ANXA6: variants seen among roughly 807,000 people sequenced by gnomAD.
ANXA6 encodes the protein annexin A6.
A neutral mutation model predicts 95.4 loss-of-function variants in ANXA6; 71 were observed. The ratio of observed to expected loss-of-function variants is 0.74; its 90% confidence interval spans 0.61 to 0.91. The LOEUF (loss-of-function observed/expected upper bound fraction) is 0.91. ANXA6 is among the 40% of genes least tolerant of loss of function. ANXA6 has a pLI of 0.00. For missense variants in ANXA6, 830 were observed against 876.4 expected, an observed-to-expected ratio of 0.95 and a Z score of 0.67; for synonymous variants, 289 against 315.9, an observed-to-expected ratio of 0.91 and a Z score of 0.90.
intron 14 of ANXA6, among the ~76,000 whole-genome samples, chr5:151,125,567 C>T (rs768686566): frequency 6.6e-6 from 1 of 152,136 alleles, no homozygotes; most frequent in Non-Finnish European, 1.5e-5. Flanking sequence ...AAAGGAAAAT[C>T]AGCAAGTGTT....
intron 24 of ANXA6, among the ~76,000 whole-genome samples, chr5:151,104,478 G>T (rs929907017): frequency 1.3e-5 from 2 of 152,306 alleles, no homozygotes; most frequent in East Asian, 3.9e-4. Flanking sequence ...CCCTACCTAG[G>T]CCTGAGTTTC....
At chr5:151,154,487 G>A (rs1017683305) in intron 1 of ANXA6, among the ~76,000 whole-genome samples, 20 of 151,952 alleles carry the variant, frequency 1.3e-4, no homozygotes, top group African/African-American at 4.6e-4. Context: ...TGCGTCCTGG[G>A]GTATATCCAT....
intron 14 of ANXA6, 45 bp from the exon 15 acceptor site, chr5:151,124,412 CT>C (rs1561574435): frequency 3.2e-6 from 5 of 1,561,882 alleles, no homozygotes; most frequent in African/African-American, 1.4e-5. Flanking sequence ...GAAGGCCCCC[CT>C]GGGGACCAGG....
chr5:151,138,663 AC>A lies in ANXA6; in HGVS notation c.318+14del, dbSNP rs771965652. Reference sequence around the variant, plus strand: ...ACATCCCCACCCCAACACCACATACACCCCCACTTCTTACCGAGATGGCATC... The same window carrying A: ...ACATCCCCACCCCAACACCACATACACCCCACTTCTTACCGAGATGGCATC... On this transcript the variant is annotated intron_variant, in intron 5 of 25. Coordinates refer to ENST00000354546, the MANE Select transcript of ANXA6 (RefSeq NM_001155.5). 36 of 1,589,506 alleles carry A rather than the reference AC, an allele frequency of 2.3e-5. 1 individual carries two copies. The Admixed American group carries it at 5.9e-4, about 26-fold the overall frequency.
At chr5:151,148,068 C>A in intron 1 of ANXA6, 142 bp from the exon 2 acceptor site, 2 of 737,684 alleles carry the variant, frequency 2.7e-6, no homozygotes, top group Non-Finnish European at 4.6e-6. Flanking sequence ...AGCTCAAGGC[C>A]AATCACATTT....
At chr5:151,120,100 G>C (rs1179237574) in intron 17 of ANXA6, among the ~76,000 whole-genome samples, 1 of 152,096 alleles carries the variant, frequency 6.6e-6, no homozygotes, top group Non-Finnish European at 1.5e-5. Context: ...GGCTGGTCTG[G>C]AACTCCTGGA....
chr5:151,120,912 G>A (rs533009290), intron 17 of ANXA6, among the ~76,000 whole-genome samples: 10 of 152,250 alleles, frequency 6.6e-5, no homozygotes, highest in East Asian at 1.9e-4. Context: ...TCTAGCCCTC[G>A]TCTCCCCCTA....
intron 7 of ANXA6, among the ~76,000 whole-genome samples, chr5:151,135,433 G>C (rs1441857250): frequency 6.6e-6 from 1 of 152,220 alleles, no homozygotes; most frequent in Non-Finnish European, 1.5e-5. Context: ...TTATGGCAAT[G>C]AGAGGAACAG....
At chr5:151,105,216 G>A (rs765389685) in intron 24 of ANXA6, 29 bp downstream of exon 24, 10 of 1,606,100 alleles carry the variant, frequency 6.2e-6, no homozygotes, top group African/African-American at 1.3e-5. Context: ...AGTGCTTGAA[G>A]GGAAAGGAAC....
At chr5:151,124,015 C>A (rs1345940692) in intron 15 of ANXA6, among the ~76,000 whole-genome samples, 1 of 152,198 alleles carries the variant, frequency 6.6e-6, no homozygotes, top group Non-Finnish European at 1.5e-5. Flanking sequence ...ATTTTGTGAC[C>A]TGGTACTTTC....
At chr5:151,104,188 G>C (rs546569242) in intron 24 of ANXA6, among the ~76,000 whole-genome samples, 1 of 152,234 alleles carries the variant, frequency 6.6e-6, no homozygotes, top group East Asian at 1.9e-4. Context: ...CTCCCCCAGA[G>C]CCTCCAGGAG....
chr5:151,100,745 T>G lies in ANXA6; in HGVS notation c.*703A>C. The G allele has an allele frequency of 2.6e-6, 1 of 390,220 alleles. No homozygotes were observed. 24.2% of individuals were successfully genotyped at this position (390,220 alleles called of 1,614,324 possible). On this transcript the variant is annotated 3_prime_UTR_variant, in exon 26 of 26. Transcript: ENST00000354546. ...TGTGTATCTCTTTTTATTTCTTCCT[T>G]AGAAATAAAAAGTGTCAAGGGAATG...
At chr5:151,109,067 T>C (rs1020771976) in intron 22 of ANXA6, among the ~76,000 whole-genome samples, 1 of 152,168 alleles carries the variant, frequency 6.6e-6, no homozygotes, top group East Asian at 1.9e-4. Flanking sequence ...AAAACCCTGA[T>C]TCCTACGTAA....
intron 23 of ANXA6, 143 bp from the exon 24 acceptor site, chr5:151,105,446 G>T: frequency 1.4e-6 from 1 of 722,058 alleles, no homozygotes; most frequent in Non-Finnish European, 2.5e-6. Flanking sequence ...ATGCTCAGAC[G>T]ACACCTTTGC....
chr5:151,146,602 A>T (rs1426673176), intron 2 of ANXA6, among the ~76,000 whole-genome samples: 1 of 152,212 alleles, frequency 6.6e-6, no homozygotes, highest in African/African-American at 2.4e-5. Context: ...CCTCACAGAC[A>T]GCTTCTGTCT....
intron 3 of ANXA6, 84 bp downstream of exon 3, chr5:151,140,069 C>CCATTTCA (rs1765783639): frequency 8.2e-7 from 1 of 1,221,560 alleles, no homozygotes; most frequent in Non-Finnish European, 1.2e-6. Context: ...ATTTCACAGA[C>CCATTTCA]CCTACCACCA....
intron 17 of ANXA6, among the ~76,000 whole-genome samples, chr5:151,121,721 T>A (rs10079093): frequency 6.6e-6 from 1 of 152,080 alleles, no homozygotes; most frequent in African/African-American, 2.4e-5. Flanking sequence ...AGCGGCTCCA[T>A]GAGACCCTTC....
chr5:151,139,193 G>A, intron 4 of ANXA6, 160 bp downstream of exon 4: 1 of 613,116 alleles, frequency 1.6e-6, no homozygotes, highest in Non-Finnish European at 2.9e-6. Context: ...ATTAAAGGCT[G>A]AAAGACGCCC....
chr5:151,156,646 G>T (rs1215960705), intron 1 of ANXA6, among the ~76,000 whole-genome samples: 1 of 152,092 alleles, frequency 6.6e-6, no homozygotes, highest in Non-Finnish European at 1.5e-5. Flanking sequence ...TGTCAGAGAA[G>T]ACCCACTAGA....
Sources: gnomAD v4.1 joint callset for allele counts (sites outside exome capture counted in the v4.1 genomes callset) on GRCh38, gnomAD v4.1.1 for gene constraint, MANE v1.5 for transcripts, NCBI Gene and HGNC (gene_info 2026-07-23, HGNC 2026-07-21) for gene names.